The following TAF4B variants were observed in gnomAD, a reference collection of about 807,000 sequenced individuals.
TAF4B encodes the protein transcription initiation factor TFIID subunit 4B.
A neutral mutation model predicts 86.4 loss-of-function variants in TAF4B; 38 were observed. The ratio of observed to expected loss-of-function variants is 0.44; its 90% confidence interval spans 0.34 to 0.58. The LOEUF (loss-of-function observed/expected upper bound fraction) is 0.58, where lower values mean the gene tolerates loss of function less well. TAF4B is among the 20% of genes least tolerant of loss of function. TAF4B has a pLI of 0.02. For synonymous variants in TAF4B, 388 were observed against 391.2 expected (o/e 0.99, Z 0.10); for missense variants, 988 against 1,027.6 (o/e 0.96, Z 0.53).
chr18:26,360,863 T>C (rs1567921822), intron 14 of TAF4B, among the ~76,000 whole-genome samples: 1 of 152,202 alleles, frequency 6.6e-6, no homozygotes, highest in Non-Finnish European at 1.5e-5. Flanking sequence ...TTGAAAATAT[T>C]TGTGTCTGCA....
intron 14 of TAF4B, among the ~76,000 whole-genome samples, chr18:26,358,058 C>T (rs2057302226): frequency 6.6e-6 from 1 of 151,978 alleles, no homozygotes; most frequent in African/African-American, 2.4e-5. Flanking sequence ...TTGAATCTTC[C>T]AGTATTTAAA....
chr18:26,283,776 C>T (rs868325072), intron 6 of TAF4B, among the ~76,000 whole-genome samples: 7 of 152,218 alleles, frequency 4.6e-5, no homozygotes, highest in Middle Eastern at 3.4e-3. Flanking sequence ...GTTGGCCAGG[C>T]GTGGTGGCTC....
At chr18:26,256,143 T>C in intron 1 of TAF4B, 1 of 1,609,826 alleles carries the variant, frequency 6.2e-7, no homozygotes, top group Non-Finnish European at 8.5e-7. Context: ...TTCCAGTTTT[T>C]TTTTTGATCC....
At chr18:26,364,544 GTTAA>G (rs1466814109) in intron 14 of TAF4B, among the ~76,000 whole-genome samples, 4 of 152,020 alleles carry the variant, frequency 2.6e-5, no homozygotes, top group Non-Finnish European at 5.9e-5. Context: ...TACTTCCTGT[GTTAA>G]TTAGAGATCC....
chr18:26,389,381 A>G (rs1978570005), intron 14 of TAF4B, among the ~76,000 whole-genome samples: 1 of 152,154 alleles, frequency 6.6e-6, no homozygotes, highest in African/African-American at 2.4e-5. Flanking sequence ...AAAGGCCTTC[A>G]TTGTTATTTT....
intron 14 of TAF4B, among the ~76,000 whole-genome samples, chr18:26,382,032 T>C (rs78014070): frequency 0.077 from 11,776 of 152,168 alleles, 562 homozygotes; most frequent in Non-Finnish European, 0.1. Flanking sequence ...ATTACTAGAG[T>C]TTTAAACAAA....
chr18:26,294,469 A>G (rs755051874), intron 9 of TAF4B, among the ~76,000 whole-genome samples: 3 of 151,156 alleles, frequency 2.0e-5, no homozygotes, highest in Non-Finnish European at 4.4e-5. Context: ...TGTTTCTTGC[A>G]TTGGTTTCTT....
In TAF4B at chr18:26,390,431, C is replaced by G. The variant is rs918009333; in HGVS notation, c.*419C>G. On this transcript the variant is annotated 3_prime_UTR_variant, in exon 15 of 15. Transcript: ENST00000269142. Reference sequence around the variant, plus strand: ...TATTTCATTCTATATTGAACCTGTCCCAAAGTGGTAGGTTTTCTGGGCTGG... The same window carrying G: ...TATTTCATTCTATATTGAACCTGTCGCAAAGTGGTAGGTTTTCTGGGCTGG... The G allele has an allele frequency of 2.6e-5, 4 of 154,250 alleles. No individual in the cohort carries two copies. Among genetic ancestry groups the G allele is most frequent in the African/African-American group, 9.7e-5 (4 of 41,438 alleles). The allele number at this position is 154,250 out of a possible 1,614,324, so 9.6% of individuals were successfully genotyped here. A position where few individuals can be genotyped will look rare whatever the true frequency, so the allele number is the denominator to read the frequency against.
chr18:26,315,828 C>A (rs890140742), intron 10 of TAF4B, among the ~76,000 whole-genome samples: 11 of 152,140 alleles, frequency 7.2e-5, no homozygotes, highest in Non-Finnish European at 1.2e-4. Context: ...CCCATTCTTA[C>A]TTTAAAAAAC....
intron 14 of TAF4B, among the ~76,000 whole-genome samples, chr18:26,383,465 TTGAAA>T (rs1164376312): frequency 1.3e-5 from 2 of 152,294 alleles, no homozygotes; most frequent in South Asian, 2.1e-4. Context: ...TAGGCATTCC[TTGAAA>T]TGAAGAGGAG....
intron 9 of TAF4B, among the ~76,000 whole-genome samples, chr18:26,313,362 A>C (rs922822065): frequency 7.2e-5 from 11 of 152,166 alleles, no homozygotes; most frequent in African/African-American, 2.7e-4. Context: ...GATTCCTTAC[A>C]TTCTTAATGC....
At chr18:26,303,245 A>C (rs376702620) in intron 9 of TAF4B, among the ~76,000 whole-genome samples, 841 of 71,318 alleles carry the variant, frequency 0.012, 10 homozygotes, top group Non-Finnish European at 0.015. Flanking sequence ...CCACTTTCAT[A>C]CTCCCTCCAC....
At chr18:26,312,876 C>G (rs1201110802) in intron 9 of TAF4B, among the ~76,000 whole-genome samples, 3 of 152,104 alleles carry the variant, frequency 2.0e-5, no homozygotes, top group Non-Finnish European at 4.4e-5. Context: ...TTTTCTTTAT[C>G]TGAGTGTTTA....
chr18:26,341,690 A>C (rs2057137996), intron 13 of TAF4B, among the ~76,000 whole-genome samples: 2 of 152,010 alleles, frequency 1.3e-5, no homozygotes, highest in African/African-American at 2.4e-5. Flanking sequence ...AACCAGCCTT[A>C]GTGGTTGGGA....
chr18:26,364,282 C>T (rs952734670), intron 14 of TAF4B, among the ~76,000 whole-genome samples: 10 of 151,970 alleles, frequency 6.6e-5, no homozygotes, highest in East Asian at 3.8e-4. Flanking sequence ...GCTAGTGGGT[C>T]GCAGGAGGGT....
chr18:26,227,017 C>A lies in TAF4B; in HGVS notation c.84C>A (p.Ala28=), dbSNP rs1208352927. Residue 28 remains alanine, a synonymous_variant, in exon 1 of 15, where the codon GCC becomes GCA. Transcript: ENST00000269142. ...CGGGGACCGTGACCATGGCCCCGGC[C>A]GGGGCGCTGCCGGTGCGGGTGGAGA... ...SASGTVTMAP[A]GALPVRVEST... The A allele has an allele frequency of 1.4e-6, 2 of 1,471,710 alleles. No homozygotes were observed. The highest frequency in any genetic ancestry group is 5.6e-5 in the Admixed American group (2 of 35,622). The allele number at this position is 1,471,710 out of a possible 1,614,324, so 91.2% of individuals were successfully genotyped here.
At chr18:26,353,119 A>T (rs1051298488) in intron 13 of TAF4B, among the ~76,000 whole-genome samples, 1 of 152,210 alleles carries the variant, frequency 6.6e-6, no homozygotes, top group Non-Finnish European at 1.5e-5. Context: ...GATGTTACAA[A>T]ACAAGAAAAC....
At chr18:26,346,859 G>GTA (rs1394715765) in intron 13 of TAF4B, among the ~76,000 whole-genome samples, 1 of 8,236 alleles carries the variant, frequency 1.2e-4, no homozygotes, top group African/African-American at 3.0e-4. Context: ...ATATATATAT[G>GTA]TGTATATATA....
intron 13 of TAF4B, among the ~76,000 whole-genome samples, chr18:26,340,676 A>T (rs1281828202): frequency 6.6e-6 from 1 of 152,150 alleles, no homozygotes; most frequent in Non-Finnish European, 1.5e-5. Flanking sequence ...TGGGATTTCC[A>T]ATAAATTACC....
Sources: gnomAD v4.1 joint callset for allele counts (sites outside exome capture counted in the v4.1 genomes callset) on GRCh38, gnomAD v4.1.1 for gene constraint, MANE v1.5 for transcripts, NCBI Gene and HGNC (gene_info 2026-07-23, HGNC 2026-07-21) for gene names.